The following LRIG2 variants were observed in gnomAD, a reference collection of about 807,000 sequenced individuals.
LRIG2 encodes leucine-rich repeats and immunoglobulin-like domains protein 2.
A neutral mutation model predicts 107.8 loss-of-function variants in LRIG2; 93 were observed. The observed-to-expected ratio is 0.86, with a 90% CI of 0.73 to 1.03. The LOEUF is 1.03. Among genes scored for constraint, LRIG2 ranks in the 50% least tolerant of loss-of-function variants. The pLI, the probability that LRIG2 is intolerant of heterozygous loss-of-function variation, is 0.00. For synonymous variants in LRIG2, 471 were observed against 470.6 expected, an observed-to-expected ratio of 1.00 and a Z score of -0.01; for missense variants, 1,226 against 1,296.0, an observed-to-expected ratio of 0.95 and a Z score of 0.83.
Position 113,093,259 on chromosome 1 carries a change from C to G in LRIG2, c.359C>G (p.Ser120Cys), listed in dbSNP as rs1159108484. The G allele has an allele frequency of 1.0e-5, 16 of 1,595,746 alleles. No individual in the cohort carries two copies. The highest frequency in any genetic ancestry group is 1.4e-5 in the Non-Finnish European group (16 of 1,170,084). The change falls in exon 3 of 18, where the codon TCT becomes TGT. Residue 120 changes from serine to cysteine, a missense_variant. Ser to Cys is a moderately radical substitution (Grantham distance 112). Coordinates refer to ENST00000361127, the MANE Select transcript of LRIG2 (RefSeq NM_014813.3). The stretch of plus-strand genomic sequence containing the variant: ...ATCCCGTATTTTGGAGAACCTACAT[C>G]TAATATTACTCTACTTTCATTGTAA... The part of the protein sequence containing the change: ...TEIPYFGEPT[S>C]NITLLSLVHN...
rs1653913759 is a variant in LRIG2, at chr1:113,093,475, T to C, written c.426T>C (p.Phe142=). The C allele has an allele frequency of 6.2e-7, 1 of 1,612,968 alleles. No individual in the cohort carries two copies. The highest frequency in any genetic ancestry group is 1.3e-5 in the African/African-American group (1 of 74,898). ...AAATAAATGCACAGGCACTCCAGTT[T>C]TACCCTGCTCTGGAGAGTTTAGACC... ...IPEINAQALQ[F]YPALESLDLS... The change falls in exon 4 of 18, where the codon TTT becomes TTC. Residue 142 remains phenylalanine (F), a synonymous_variant. Transcript: ENST00000361127.
Position 113,096,203 on chromosome 1 carries a change from C to T in LRIG2, c.948-19C>T, listed in dbSNP as rs201812094. 11 of 1,609,572 alleles carry T rather than the reference C, an allele frequency of 6.8e-6. No individual in the cohort carries two copies. Among genetic ancestry groups the T allele is most frequent in the East Asian group, 2.2e-5 (1 of 44,854 alleles). Reference sequence around the variant, plus strand: ...CCAAATACAATGAATTCCTTACCTTCCACATTTCTTGTTTTCAGTGATTTG... The same window carrying T: ...CCAAATACAATGAATTCCTTACCTTTCACATTTCTTGTTTTCAGTGATTTG... On this transcript the variant is annotated intron_variant, in intron 7 of 17. Transcript: ENST00000361127.
chr1:113,097,567 C>T (rs1275964031), intron 8 of LRIG2, among the ~76,000 whole-genome samples: 1 of 152,158 alleles, frequency 6.6e-6, no homozygotes, highest in Non-Finnish European at 1.5e-5. Context: ...AATGCAATCT[C>T]AGAAACTTAG....
chr1:113,102,629 G>A (rs1227720934), intron 11 of LRIG2, among the ~76,000 whole-genome samples: 2 of 150,744 alleles, frequency 1.3e-5, no homozygotes, highest in Non-Finnish European at 3.0e-5. Flanking sequence ...CTTTTTTGTT[G>A]TTCTTGAAAA....
chr1:113,110,641 G>T, intron 13 of LRIG2, 79 bp downstream of exon 13: 1 of 991,294 alleles, frequency 1.0e-6, no homozygotes, highest in Non-Finnish European at 1.5e-6. Flanking sequence ...GAGAGAATTA[G>T]ACTAAATCTG....
intron 1 of LRIG2, among the ~76,000 whole-genome samples, chr1:113,084,970 A>T (rs1160105227): frequency 6.6e-6 from 1 of 152,246 alleles, no homozygotes. Flanking sequence ...AATAAAAGCA[A>T]TTTAAGTAAT....
intron 17 of LRIG2, among the ~76,000 whole-genome samples, chr1:113,122,734 T>C (rs1655317877): frequency 1.3e-5 from 2 of 152,312 alleles, no homozygotes; most frequent in South Asian, 4.1e-4. Context: ...ACTATCAGCA[T>C]CACCGTTACC....
intron 11 of LRIG2, among the ~76,000 whole-genome samples, chr1:113,106,714 A>G (rs1237883495): frequency 1.3e-5 from 2 of 152,126 alleles, no homozygotes; most frequent in Non-Finnish European, 2.9e-5. Context: ...CATGTTGGCC[A>G]GGCTGGTCTG....
intron 1 of LRIG2, among the ~76,000 whole-genome samples, chr1:113,084,766 C>T (rs1653470929): frequency 6.6e-6 from 1 of 152,136 alleles, no homozygotes; most frequent in South Asian, 2.1e-4. Context: ...GTCTTTCAAT[C>T]CTGATGGAAA....
At chr1:113,080,999 C>A (rs1010648102) in intron 1 of LRIG2, among the ~76,000 whole-genome samples, 1 of 151,564 alleles carries the variant, frequency 6.6e-6, no homozygotes, top group South Asian at 2.1e-4. Context: ...ATGCACCACA[C>A]GCCTGGCTAA....
chr1:113,121,885 G>A (rs903294764), intron 17 of LRIG2, among the ~76,000 whole-genome samples: 3 of 152,044 alleles, frequency 2.0e-5, no homozygotes, highest in South Asian at 4.2e-4. Flanking sequence ...CAGGTTACAG[G>A]ATCATGCTTT....
chr1:113,090,538 T>TA (rs889331145), intron 1 of LRIG2, among the ~76,000 whole-genome samples: 10 of 151,974 alleles, frequency 6.6e-5, no homozygotes, highest in Admixed American at 2.0e-4. Flanking sequence ...TTTTTTTTTT[T>TA]ATTAAAAAAA....
intron 11 of LRIG2, among the ~76,000 whole-genome samples, chr1:113,101,931 G>T (rs1654323165): frequency 6.6e-6 from 1 of 152,158 alleles, no homozygotes; most frequent in Non-Finnish European, 1.5e-5. Context: ...TCCTAGTGAG[G>T]AAGATAAATA....
At chr1:113,088,607 G>T (rs936578385) in intron 1 of LRIG2, among the ~76,000 whole-genome samples, 5 of 151,998 alleles carry the variant, frequency 3.3e-5, no homozygotes, top group African/African-American at 9.7e-5. Context: ...ATCTGGAAGG[G>T]GAAAACTGCT....
rs748512750 is a variant in LRIG2, at chr1:113,119,287, AC to A, written c.2736del (p.Ser913ProfsTer35). 2 of 1,613,926 alleles carry A rather than the reference AC, an allele frequency of 1.2e-6. No homozygotes were observed. The highest frequency in any genetic ancestry group is 8.5e-7 in the Non-Finnish European group (1 of 1,179,972). On this transcript the variant is annotated frameshift_variant, in exon 17 of 18. Coordinates refer to ENST00000361127, the MANE Select transcript of LRIG2 (RefSeq NM_014813.3). LOFTEE classifies it high-confidence loss of function. ...CSDCYDNANI[Y>X]SRTREYCPYT... is the part of the protein sequence containing the mutation. ...GATTGTTATGACAATGCCAACATCT[AC>A]TCCAGGACCCGAGAATACTGTCCAT...
Position 113,107,510 on chromosome 1 carries a change from A to G in LRIG2, c.1314-84A>G, listed in dbSNP as rs879196716. On this transcript the variant is annotated intron_variant, in intron 11 of 17. Coordinates refer to ENST00000361127, the MANE Select transcript of LRIG2 (RefSeq NM_014813.3). ...AATGTTTTTGGCAAGAATAATGGAT[A>G]GGTGTGTGGTAAGGTTTTAATACTG... The G allele has an allele frequency of 8.2e-6, 10 of 1,215,180 alleles. No homozygotes were observed. The South Asian group carries it at 1.2e-4, about 15-fold the overall frequency. 75.3% of individuals were successfully genotyped at this position (1,215,180 alleles called of 1,614,324 possible).
At position 113,098,730 on chromosome 1, in the gene LRIG2, T is replaced by C. The variant is rs1395063962; in HGVS notation, c.1117T>C (p.Trp373Arg). Residue 373 changes from tryptophan to arginine, a missense_variant, in exon 9 of 18, where the codon TGG (tryptophan) becomes CGG (arginine). Around this residue, in one of 3 missense-constraint regions of LRIG2, gnomAD observed 570 missense variants for 550.2 expected, o/e 1.04. Transcript: ENST00000361127. ...TLDLRNNEIS[W>R]AIEDASEAFA... ...AGACTTAAGAAACAATGAAATTTCA[T>C]GGGCCATAGAAGATGCTAGTGAAGC... The C allele has an allele frequency of 6.2e-7, 1 of 1,612,640 alleles. No individual in the cohort carries two copies. The highest frequency in any genetic ancestry group is 1.7e-5 in the Admixed American group (1 of 60,010).
At chr1:113,096,615 G>T (rs567211732) in intron 8 of LRIG2, among the ~76,000 whole-genome samples, 1 of 152,282 alleles carries the variant, frequency 6.6e-6, no homozygotes, top group South Asian at 2.1e-4. Flanking sequence ...ATGTCTTATT[G>T]TGTTAGTTGC....
rs541943796 is a variant in LRIG2, at chr1:113,090,698, C to T, written c.240-620C>T. 5.3e-5 allele frequency among the ~76,000 whole-genome samples: 8 copies of T among 151,154 alleles called. No individual in the cohort carries two copies. The South Asian group carries it at 1.5e-3, about 28-fold the overall frequency. On this transcript the variant is annotated intron_variant, in intron 1 of 17. Transcript: ENST00000361127. ...TAAAAATACAAAAAAATTAGCCGGG[C>T]GTGGTGGCGGGCGCCTGTAGTCCCA...
Sources: allele counts gnomAD v4.1 joint callset (sites outside exome capture counted in the v4.1 genomes callset), GRCh38; gene constraint gnomAD v4.1.1; regional missense constraint gnomAD v4.1.1; transcripts MANE v1.5; gene names NCBI Gene and HGNC (gene_info 2026-07-23, HGNC 2026-07-21).